The following PDS5A variants were observed in gnomAD, a reference collection of about 807,000 sequenced individuals.
The protein encoded by PDS5A is PDS5 cohesin associated factor A.
PDS5A carries 42 observed loss-of-function variants against 167.1 expected under a neutral mutation model. The observed-to-expected ratio is 0.25, with a 90% CI of 0.20 to 0.33. The LOEUF (loss-of-function observed/expected upper bound fraction) is 0.33. PDS5A is among the 10% of genes least tolerant of loss of function. The pLI is 1.00. For synonymous variants in PDS5A, 553 were observed against 554.6 expected (o/e 1.00, Z 0.04); for missense variants, 1,033 against 1,605.9 (o/e 0.64, Z 6.10).
chr4:39,898,185 T>C (rs967629028), intron 16 of PDS5A: 2 of 1,259,000 alleles, frequency 1.6e-6, no homozygotes, highest in Non-Finnish European at 2.0e-6. Context: ...CTCCCTGGCT[T>C]AGTTCTTTAG....
At chr4:39,832,990 T>C (rs962039163) in intron 32 of PDS5A, among the ~76,000 whole-genome samples, 2 of 150,558 alleles carry the variant, frequency 1.3e-5, no homozygotes, top group African/African-American at 4.9e-5. Context: ...ACCCCATCTC[T>C]ACTAAAAAAA....
chr4:39,856,914 G>A (rs1718570850), intron 26 of PDS5A, among the ~76,000 whole-genome samples: 1 of 152,128 alleles, frequency 6.6e-6, no homozygotes, highest in Admixed American at 6.5e-5. Flanking sequence ...CTATAAAGAT[G>A]TGATTCGTGA....
At chr4:39,895,024 G>A (rs1305450338) in intron 16 of PDS5A, among the ~76,000 whole-genome samples, 2 of 151,872 alleles carry the variant, frequency 1.3e-5, no homozygotes, top group African/African-American at 2.4e-5. Flanking sequence ...TCAGGAGATC[G>A]AGATCATCCT....
At chr4:39,947,817 C>G (rs6837128) in intron 2 of PDS5A, among the ~76,000 whole-genome samples, 1 of 152,122 alleles carries the variant, frequency 6.6e-6, no homozygotes, top group African/African-American at 2.4e-5. Flanking sequence ...ATGGCATTAT[C>G]TATTCATGAG....
chr4:39,916,851 A>G (rs1298575178), intron 8 of PDS5A, among the ~76,000 whole-genome samples, 197 bp downstream of exon 8: 4 of 152,024 alleles, frequency 2.6e-5, no homozygotes. Flanking sequence ...GAGCAATAAC[A>G]GCAAAACTCC....
intron 2 of PDS5A, among the ~76,000 whole-genome samples, chr4:39,960,687 C>A (rs1729399190): frequency 1.4e-5 from 2 of 148,102 alleles, no homozygotes; most frequent in Non-Finnish European, 3.0e-5. Flanking sequence ...TGCCACCATA[C>A]AAAGCTAATT....
In PDS5A at chr4:39,944,708, A is replaced by AAC. The variant is rs1553906424; in HGVS notation, c.139-16545_139-16544insGT. On this transcript the variant is annotated intron_variant, in intron 2 of 32. Coordinates refer to ENST00000303538, the MANE Select transcript of PDS5A (RefSeq NM_001100399.2). ...AAACTCCATCTCAAAAAAAAAAAAA[A>AAC]AAACAAAAAGCTGAGAGTTTGATAC... Among the ~76,000 whole-genome samples the AAC allele has an allele frequency of 1.8e-4, 28 of 151,900 alleles. No homozygotes were observed. The East Asian group carries it at 3.9e-3, about 21-fold the overall frequency.
chr4:39,895,780 T>A (rs1722353827), intron 16 of PDS5A, among the ~76,000 whole-genome samples: 1 of 152,156 alleles, frequency 6.6e-6, no homozygotes, highest in South Asian at 2.1e-4. Context: ...TGCAGTGGCA[T>A]GATCTCAGCT....
At chr4:39,886,448 T>C (rs1721482957) in intron 17 of PDS5A, among the ~76,000 whole-genome samples, 1 of 152,120 alleles carries the variant, frequency 6.6e-6, no homozygotes. Flanking sequence ...GCGGGGTGGC[T>C]CACACCTGTA....
chr4:39,903,812 T>C (rs1723080637), intron 12 of PDS5A, among the ~76,000 whole-genome samples: 1 of 152,198 alleles, frequency 6.6e-6, no homozygotes, highest in Non-Finnish European at 1.5e-5. Context: ...TATTTCATAT[T>C]ATAAGGCTAC....
intron 2 of PDS5A, among the ~76,000 whole-genome samples, chr4:39,956,287 T>C (rs569423588): frequency 5.5e-4 from 83 of 151,404 alleles, no homozygotes; most frequent in African/African-American, 1.9e-3. Context: ...AGATCAAGAG[T>C]TGGAGACTAG....
chr4:39,825,486 T>C lies in PDS5A; in HGVS notation c.4013A>G (p.Ter1338=). 1 of 1,580,610 alleles carries C rather than the reference T, an allele frequency of 6.3e-7. No individual in the cohort carries two copies. The highest frequency in any genetic ancestry group is 8.6e-7 in the Non-Finnish European group (1 of 1,160,298). Residue 1338 remains the stop codon, a splice_region_variant and stop_retained_variant, in exon 33 of 33, where the codon TAA becomes TGA. Transcript: ENST00000303538. ...TTTTCTCCCTTTGCAAATGCATTTT[T>C]ACCTTAGGGTTAAGAATAGAACGCA... The part of the protein sequence containing the change: ...PAERQIDLQR[*]
rs755154113 is a variant in PDS5A at position 39,926,763 on chromosome 4, T to G, written c.429+12A>C. The G allele has an allele frequency of 6.3e-5, 85 of 1,349,816 alleles. No homozygotes were observed. The highest frequency in any genetic ancestry group is 1.7e-4 in the African/African-American group (11 of 64,696). 83.6% of individuals were successfully genotyped at this position (1,349,816 alleles called of 1,614,324 possible). ...ATAATGTTAATAGTTATTAAAGTTT[T>G]TTTTTTTTTACCTCTAATAAATAAA... On this transcript the variant is annotated intron_variant, in intron 4 of 32. Coordinates refer to ENST00000303538, the MANE Select transcript of PDS5A (RefSeq NM_001100399.2).
chr4:39,825,263 T>C lies in PDS5A; in HGVS notation c.*222A>G, dbSNP rs1432511894. On this transcript the variant is annotated 3_prime_UTR_variant, in exon 33 of 33. Coordinates refer to ENST00000303538, the MANE Select transcript of PDS5A (RefSeq NM_001100399.2). ...TCTAGGGGAAGGGGGAGAACAGAGTTGCTTTTAGCCTCTCTCTCAAGAGTT... is the reference window on the plus strand; with the variant it reads ...TCTAGGGGAAGGGGGAGAACAGAGTCGCTTTTAGCCTCTCTCTCAAGAGTT... 9.6e-6 allele frequency: 4 copies of C among 415,202 alleles called. No individual in the cohort carries two copies. The highest frequency in any genetic ancestry group is 8.6e-6 in the Non-Finnish European group (2 of 233,458). 25.7% of individuals were successfully genotyped at this position (415,202 alleles called of 1,614,324 possible).
At chr4:39,898,214 G>T in intron 16 of PDS5A, 175 bp downstream of exon 16, 1 of 1,282,568 alleles carries the variant, frequency 7.8e-7, no homozygotes, top group South Asian at 3.1e-5. Flanking sequence ...CTGGAATGTG[G>T]CTGAGAGTGA....
chr4:39,850,797 C>A (rs1718060573), intron 26 of PDS5A, among the ~76,000 whole-genome samples: 1 of 152,180 alleles, frequency 6.6e-6, no homozygotes, highest in Non-Finnish European at 1.5e-5. Flanking sequence ...TAAAAGTGAA[C>A]CCCAAATCAG....
intron 26 of PDS5A, among the ~76,000 whole-genome samples, chr4:39,851,308 G>A (rs62307933): frequency 1.4e-5 from 2 of 147,610 alleles, no homozygotes; most frequent in East Asian, 3.9e-4. Context: ...TTTTTTTTTG[G>A]TCTGTCTTTT....
chr4:39,911,527 T>C (rs867418174), intron 9 of PDS5A, among the ~76,000 whole-genome samples: 1 of 152,082 alleles, frequency 6.6e-6, no homozygotes, highest in Non-Finnish European at 1.5e-5. Flanking sequence ...CAACACAATA[T>C]GTAGACTCAA....
intron 32 of PDS5A, among the ~76,000 whole-genome samples, chr4:39,827,138 C>A (rs1715397401): frequency 6.6e-6 from 1 of 152,008 alleles, no homozygotes; most frequent in South Asian, 2.1e-4. Context: ...GTAGCTGGGA[C>A]TATAGGTTGC....
Sources: gnomAD v4.1 joint callset for allele counts (sites outside exome capture counted in the v4.1 genomes callset) on GRCh38, gnomAD v4.1.1 for gene constraint, MANE v1.5 for transcripts, NCBI Gene and HGNC (gene_info 2026-07-23, HGNC 2026-07-21) for gene names.